Variants in LINGO1 observed in about 807,000 individuals in gnomAD.
The protein encoded by LINGO1 is leucine-rich repeat and immunoglobulin-like domain-containing nogo receptor-interacting protein 1.
LINGO1 carries 11 observed loss-of-function variants against 37.3 expected under a neutral mutation model. The ratio of observed to expected loss-of-function variants is 0.29; its 90% CI spans 0.19 to 0.49. LINGO1 has a LOEUF of 0.49. LINGO1 is among the 20% of genes least tolerant of loss of function. The pLI is 0.99. For missense variants in LINGO1, 585 were observed against 878.2 expected (o/e 0.67, Z 4.22); for synonymous variants, 387 against 403.0 (o/e 0.96, Z 0.48).
At chr15:77,624,244 T>A (rs2074024501) in intron 1 of LINGO1, among the ~76,000 whole-genome samples, 2 of 151,672 alleles carry the variant, frequency 1.3e-5, no homozygotes, top group African/African-American at 4.8e-5. Context: ...GTGAGTGGCC[T>A]CTGTGTGTGT....
At chr15:77,618,995 TAAG>T (rs1306435407) in intron 1 of LINGO1, among the ~76,000 whole-genome samples, 2 of 152,244 alleles carry the variant, frequency 1.3e-5, no homozygotes, top group African/African-American at 4.8e-5. Flanking sequence ...TACAAGATGA[TAAG>T]AAGATAAAAG....
At position 77,614,879 on chromosome 15, in the gene LINGO1, G is replaced by C; in HGVS notation, c.1028C>G (p.Ser343Cys). 6.2e-7 allele frequency: 1 copy of C among 1,613,974 alleles called. No individual in the cohort carries two copies. Among genetic ancestry groups the C allele is most frequent in the Non-Finnish European group, 8.5e-7 (1 of 1,179,870 alleles). The change falls in exon 2 of 2, where the codon TCT becomes TGT. Residue 343 changes from serine to cysteine, a missense_variant. Physicochemically the swap from Ser to Cys is moderately radical, Grantham distance 112 (BLOSUM62 -1). This residue lies in a region of LINGO1 where 484 missense variants were observed against 735.0 expected (regional missense o/e 0.66). Coordinates refer to ENST00000355300, the MANE Select transcript of LINGO1 (RefSeq NM_032808.7). Reference sequence around the variant, plus strand: ...CTCCAGTGTGGTCAGCTGGTTGCCAGAGACATTGAGCACGCGCAGGTAGTT... The same window carrying C: ...CTCCAGTGTGGTCAGCTGGTTGCCACAGACATTGAGCACGCGCAGGTAGTT... ...GLNYLRVLNV[S>C]GNQLTTLEES...
chr15:77,750,037 C>T (rs1351466497), intron 1 of LINGO1, among the ~76,000 whole-genome samples: 1 of 152,098 alleles, frequency 6.6e-6, no homozygotes, highest in Non-Finnish European at 1.5e-5. Context: ...CCTGGGTCTG[C>T]CTGACTCAGG....
chr15:77,809,711 C>G (rs2076987692), intron 1 of LINGO1, among the ~76,000 whole-genome samples: 1 of 152,200 alleles, frequency 6.6e-6, no homozygotes, highest in South Asian at 2.1e-4. Context: ...GAAGGACCAA[C>G]CTACAGCCAG....
At chr15:77,814,937 G>A (rs953997431) in intron 1 of LINGO1, among the ~76,000 whole-genome samples, 5 of 152,262 alleles carry the variant, frequency 3.3e-5, no homozygotes, top group African/African-American at 4.8e-5. Context: ...GGGCATGTGA[G>A]GAGGGTGGCT....
chr15:77,713,111 T>G (rs2075938920), intron 2 of LINGO1, among the ~76,000 whole-genome samples: 1 of 152,022 alleles, frequency 6.6e-6, no homozygotes, highest in Non-Finnish European at 1.5e-5. Flanking sequence ...GGTACAATCT[T>G]GGCTCATTAC....
At chr15:77,699,624 A>ACAGTAAGCACATACT (rs1233127019), upstream of LINGO1, among the ~76,000 whole-genome samples, 4 of 150,422 alleles carry the variant, frequency 2.7e-5, no homozygotes, top group African/African-American at 4.9e-5. Context: ...TCATCTGCAC[A>ACAGTAAGCACATACT]AACTAAACAC....
intron 2 of LINGO1, among the ~76,000 whole-genome samples, chr15:77,727,252 A>C (rs1008057924): frequency 2.0e-5 from 3 of 152,224 alleles, no homozygotes; most frequent in African/African-American, 7.2e-5. Context: ...TACATATCAT[A>C]ATTGAAAACA....
intron 2 of LINGO1, among the ~76,000 whole-genome samples, chr15:77,706,753 AG>A (rs2075857606): frequency 1.3e-5 from 2 of 152,236 alleles, no homozygotes; most frequent in African/African-American, 4.8e-5. Context: ...TCACTCGGAA[AG>A]GGGCCATGGC....
intron 2 of LINGO1, among the ~76,000 whole-genome samples, chr15:77,711,376 C>T (rs986549674): frequency 4.6e-5 from 7 of 152,208 alleles, no homozygotes; most frequent in Non-Finnish European, 5.9e-5. Context: ...TGGCCGATAA[C>T]GAAGATTCCA....
chr15:77,634,180 G>A (rs1755218346), upstream of LINGO1: 11 of 452,766 alleles, frequency 2.4e-5, no homozygotes, highest in South Asian at 1.7e-4. Flanking sequence ...TCATTGCAGA[G>A]ATGCCTGGTT....
Position 77,614,191 on chromosome 15 carries a change from G to A in LINGO1, c.1716C>T (p.Val572=), listed in dbSNP as rs1302380097. The part of the protein sequence containing the change: ...TMGFISFLGV[V]LFCLVLLFLW... ...GAAACAGCAGCACCAGGCAGAAGAGGACGACGCCCAGGAAAGAGATGAAGC... is the reference window on the plus strand; with the variant it reads ...GAAACAGCAGCACCAGGCAGAAGAGAACGACGCCCAGGAAAGAGATGAAGC... Residue 572 remains valine (V), a synonymous_variant, in exon 2 of 2, where the codon GTC becomes GTT. Coordinates refer to ENST00000355300, the MANE Select transcript of LINGO1 (RefSeq NM_032808.7). 6.2e-7 allele frequency: 1 copy of A among 1,614,036 alleles called. No homozygotes were observed. Among genetic ancestry groups the A allele is most frequent in the East Asian group, 2.2e-5 (1 of 44,874 alleles).
intron 1 of LINGO1, among the ~76,000 whole-genome samples, chr15:77,763,979 C>T (rs1319429140): frequency 6.6e-6 from 1 of 152,224 alleles, no homozygotes; most frequent in Non-Finnish European, 1.5e-5. Flanking sequence ...TGGAGCTGAG[C>T]TTGAATCAAA....
chr15:77,680,107 C>T (rs1019342643), intron 2 of LINGO1, among the ~76,000 whole-genome samples: 12 of 152,308 alleles, frequency 7.9e-5, no homozygotes, highest in Admixed American at 3.9e-4. Context: ...AGAGCCCGTG[C>T]GTGACCTCAT....
intron 2 of LINGO1, among the ~76,000 whole-genome samples, chr15:77,722,401 G>A (rs2076059892): frequency 6.6e-6 from 1 of 152,206 alleles, no homozygotes. Flanking sequence ...GGCAAGCTGG[G>A]GCCCTGCCTG....
intron 1 of LINGO1, among the ~76,000 whole-genome samples, chr15:77,818,825 G>A (rs1195007409): frequency 6.6e-6 from 1 of 151,798 alleles, no homozygotes; most frequent in Non-Finnish European, 1.5e-5. Flanking sequence ...CCCAGAGAGC[G>A]GGCGGCTGCG....
intron 1 of LINGO1, among the ~76,000 whole-genome samples, chr15:77,756,442 T>C (rs1306997579): frequency 6.6e-6 from 1 of 151,960 alleles, no homozygotes. Context: ...AATGTGTTTA[T>C]ACATGGTTTC....
At chr15:77,820,719 G>A (rs1426447336), upstream of LINGO1, 1 of 152,242 alleles carries the variant, frequency 6.6e-6, no homozygotes, top group African/African-American at 2.4e-5. Flanking sequence ...CTCTGATATG[G>A]TGTTAGGTCC....
At chr15:77,810,330 G>GCACA (rs985818947) in intron 1 of LINGO1, among the ~76,000 whole-genome samples, 2 of 147,766 alleles carry the variant, frequency 1.4e-5, no homozygotes, top group African/African-American at 5.1e-5. Context: ...ACATACACAT[G>GCACA]CACACACACA....
Sources: allele counts gnomAD v4.1 joint callset (sites outside exome capture counted in the v4.1 genomes callset), GRCh38; gene constraint gnomAD v4.1.1; regional missense constraint gnomAD v4.1.1; transcripts MANE v1.5; gene names NCBI Gene and HGNC (gene_info 2026-07-23, HGNC 2026-07-21).